Variants in FGF12 observed in about 807,000 individuals in gnomAD.
The protein encoded by FGF12 is fibroblast growth factor 12, also known as fibroblast growth factor 12B.
A neutral mutation model predicts 23.6 loss-of-function variants in FGF12; 14 were observed. The observed-to-expected ratio is 0.59, with a 90% CI of 0.39 to 0.93. The LOEUF is 0.93. Ranked by LOEUF, FGF12 falls within the 40% of genes least tolerant of loss-of-function variation. The pLI is 0.00. For missense variants in FGF12, 175 were observed against 217.8 expected, an observed-to-expected ratio of 0.80 and a Z score of 1.24; for synonymous variants, 62 against 77.3, an observed-to-expected ratio of 0.80 and a Z score of 1.04.
chr3:192,181,683 T>G (rs867481260), intron 4 of FGF12, among the ~76,000 whole-genome samples: 19 of 149,342 alleles, frequency 1.3e-4, no homozygotes, highest in Non-Finnish European at 1.3e-4. Context: ...CAGACTGGAG[T>G]GCAGTAGCGG....
chr3:192,466,615 A>C (rs1303205367), intron 2 of FGF12, among the ~76,000 whole-genome samples: 4 of 152,236 alleles, frequency 2.6e-5, no homozygotes, highest in African/African-American at 9.6e-5. Context: ...AAAAGTAATA[A>C]GCATACTTAT....
intron 4 of FGF12, among the ~76,000 whole-genome samples, chr3:192,319,494 G>GA (rs1716416001): frequency 6.6e-6 from 1 of 152,096 alleles, no homozygotes; most frequent in Non-Finnish European, 1.5e-5. Flanking sequence ...CTACTCAGGA[G>GA]ACTGAGGCAC....
At chr3:192,181,702 T>C (rs1308568683) in intron 4 of FGF12, among the ~76,000 whole-genome samples, 1 of 148,140 alleles carries the variant, frequency 6.8e-6, no homozygotes, top group African/African-American at 2.5e-5. Context: ...GGGATCACTG[T>C]TCGCTGCAAC....
chr3:192,638,552 C>T (rs1715667896), intron 2 of FGF12, among the ~76,000 whole-genome samples: 2 of 152,164 alleles, frequency 1.3e-5, no homozygotes, highest in South Asian at 2.1e-4. Context: ...AAATTACTGC[C>T]ATTATATCCT....
chr3:192,245,056 G>C (rs553152009), intron 4 of FGF12: 2 of 146,794 alleles, frequency 1.4e-5, no homozygotes, highest in Non-Finnish European at 3.0e-5. Flanking sequence ...TCGTGCATTT[G>C]CATAAGCCCA....
At chr3:192,615,283 T>A (rs542761178) in intron 2 of FGF12, among the ~76,000 whole-genome samples, 6 of 152,210 alleles carry the variant, frequency 3.9e-5, no homozygotes, top group East Asian at 1.9e-4. Context: ...TGTGTTTTTT[T>A]ATTCTATTAG....
intron 2 of FGF12, among the ~76,000 whole-genome samples, chr3:192,600,592 C>G (rs1714072439): frequency 6.6e-6 from 1 of 151,916 alleles, no homozygotes; most frequent in Admixed American, 6.6e-5. Flanking sequence ...ACTCAAACAT[C>G]TCAACAGCAA....
At chr3:192,432,208 A>C (rs148709431) in intron 2 of FGF12, among the ~76,000 whole-genome samples, 425 of 152,330 alleles carry the variant, frequency 2.8e-3, no homozygotes, top group African/African-American at 9.9e-3. Context: ...TTTGCCTTTA[A>C]GTAGCTGAGA....
intron 2 of FGF12, chr3:192,515,003 AG>A (rs1388663914): frequency 3.7e-6 from 1 of 273,208 alleles, no homozygotes. Context: ...GGTGGGCTCG[AG>A]CACGGCCCCT....
At chr3:192,378,071 T>TTTC (rs1560091769) in intron 2 of FGF12, among the ~76,000 whole-genome samples, 2 of 121,364 alleles carry the variant, frequency 1.6e-5, no homozygotes, top group Non-Finnish European at 3.2e-5. Context: ...TCTTTCTTTC[T>TTTC]TTCTTTCTTT....
At chr3:192,179,219 TA>T (rs146883108) in intron 4 of FGF12, among the ~76,000 whole-genome samples, 116 of 150,942 alleles carry the variant, frequency 7.7e-4, no homozygotes, top group African/African-American at 2.4e-3. Flanking sequence ...TTTTATAACT[TA>T]AAAAAAACAA....
At chr3:192,183,749 A>G (rs1716305169) in intron 4 of FGF12, among the ~76,000 whole-genome samples, 1 of 152,216 alleles carries the variant, frequency 6.6e-6, no homozygotes, top group Non-Finnish European at 1.5e-5. Flanking sequence ...CACTTTACAG[A>G]TGAAGAAAGC....
chr3:192,446,190 A>G (rs147403488), intron 2 of FGF12, among the ~76,000 whole-genome samples: 52 of 152,376 alleles, frequency 3.4e-4, no homozygotes, highest in African/African-American at 1.2e-3. Context: ...AAATATAAAC[A>G]TTAAGTGACT....
At chr3:192,657,474 C>T (rs1716475219) in intron 2 of FGF12, among the ~76,000 whole-genome samples, 1 of 150,556 alleles carries the variant, frequency 6.6e-6, no homozygotes. Context: ...CTAAAAGAAC[C>T]TCCCATAGTG....
chr3:192,527,520 C>T (rs1460825150), intron 2 of FGF12, among the ~76,000 whole-genome samples: 1 of 152,106 alleles, frequency 6.6e-6, no homozygotes, highest in African/African-American at 2.4e-5. Context: ...TTTCTATGGT[C>T]TTATGCAAGT....
chr3:192,322,759 CTT>C (rs1435340071), intron 4 of FGF12, among the ~76,000 whole-genome samples: 1 of 152,106 alleles, frequency 6.6e-6, no homozygotes, highest in Non-Finnish European at 1.5e-5. Context: ...AAAGGAGTCT[CTT>C]TGATAAATGG....
intron 5 of FGF12, among the ~76,000 whole-genome samples, chr3:192,168,424 T>G (rs1041340143): frequency 2.0e-5 from 3 of 152,178 alleles, no homozygotes; most frequent in African/African-American, 7.2e-5. Context: ...AATCCCTACC[T>G]CTCATCTCAA....
At chr3:192,186,764 C>G (rs1169073379) in intron 4 of FGF12, among the ~76,000 whole-genome samples, 1 of 152,158 alleles carries the variant, frequency 6.6e-6, no homozygotes, top group East Asian at 1.9e-4. Flanking sequence ...TGAGTCATGT[C>G]TCCTCTTGAC....
At chr3:192,365,532 T>C (rs1021243353) in intron 2 of FGF12, among the ~76,000 whole-genome samples, 1 of 152,038 alleles carries the variant, frequency 6.6e-6, no homozygotes, top group Non-Finnish European at 1.5e-5. Context: ...GGATATAGGG[T>C]ATATGAGAAC....
Sources: gnomAD v4.1 joint callset for allele counts (sites outside exome capture counted in the v4.1 genomes callset) on GRCh38, gnomAD v4.1.1 for gene constraint, MANE v1.5 for transcripts, NCBI Gene and HGNC (gene_info 2026-07-23, HGNC 2026-07-21) for gene names.